Variants in CNTNAP2 observed in about 807,000 individuals in gnomAD.
CNTNAP2 encodes contactin-associated protein-like 2.
CNTNAP2 carries 98 observed loss-of-function variants against 155.2 expected under a neutral mutation model. The observed-to-expected ratio is 0.63, with a 90% CI of 0.54 to 0.75. The LOEUF (loss-of-function observed/expected upper bound fraction) is 0.75. Among genes scored for constraint, CNTNAP2 ranks in the 30% least tolerant of loss-of-function variants. CNTNAP2 has a pLI of 0.00. For missense variants in CNTNAP2, 1,727 were observed against 1,688.1 expected (o/e 1.02, Z -0.40); for synonymous variants, 651 against 631.2 (o/e 1.03, Z -0.47).
intron 4 of CNTNAP2, among the ~76,000 whole-genome samples, chr7:147,088,382 A>C (rs1164304521): frequency 6.6e-6 from 1 of 152,204 alleles, no homozygotes; most frequent in Non-Finnish European, 1.5e-5. Context: ...AAATTAGAAA[A>C]GAACAAAAAA....
At chr7:147,101,091 A>T (rs1800643380) in intron 4 of CNTNAP2, among the ~76,000 whole-genome samples, 1 of 152,168 alleles carries the variant, frequency 6.6e-6, no homozygotes, top group African/African-American at 2.4e-5. Context: ...GAAAGGTGCT[A>T]TGTGAAGTTT....
At chr7:146,182,867 AT>A (rs1054387815) in intron 1 of CNTNAP2, among the ~76,000 whole-genome samples, 5 of 152,046 alleles carry the variant, frequency 3.3e-5, no homozygotes, top group Admixed American at 1.3e-4. Flanking sequence ...ACTTCCTAAT[AT>A]GCTGTATCTG....
chr7:148,085,212 T>C (rs1803700678), intron 15 of CNTNAP2, among the ~76,000 whole-genome samples: 1 of 152,230 alleles, frequency 6.6e-6, no homozygotes, highest in Admixed American at 6.5e-5. Context: ...TTGGATTATT[T>C]ATGTAAATAC....
chr7:148,172,611 TTAGG>T (rs1794842546), intron 18 of CNTNAP2, 133 bp downstream of exon 18: 2 of 880,008 alleles, frequency 2.3e-6, no homozygotes, highest in Non-Finnish European at 3.8e-6. Flanking sequence ...TTCTCTCAAC[TTAGG>T]TAGGAATTTT....
At chr7:146,911,816 AAT>A (rs1562998503) in intron 3 of CNTNAP2, among the ~76,000 whole-genome samples, 1 of 152,076 alleles carries the variant, frequency 6.6e-6, no homozygotes, top group Non-Finnish European at 1.5e-5. Flanking sequence ...TAATAAAAAA[AAT>A]AAATAATAAA....
At chr7:148,086,313 A>T (rs1013789997) in intron 15 of CNTNAP2, among the ~76,000 whole-genome samples, 2 of 152,210 alleles carry the variant, frequency 1.3e-5, no homozygotes, top group Non-Finnish European at 2.9e-5. Context: ...CATTTATTTA[A>T]ACAAAAGTAT....
At chr7:146,160,059 C>T (rs1010712071) in intron 1 of CNTNAP2, among the ~76,000 whole-genome samples, 5 of 152,266 alleles carry the variant, frequency 3.3e-5, no homozygotes, top group African/African-American at 7.2e-5. Context: ...TAAACAACTA[C>T]GTGGAGACTG....
intron 3 of CNTNAP2, among the ~76,000 whole-genome samples, chr7:147,016,094 T>C (rs1179872090): frequency 6.6e-6 from 1 of 152,134 alleles, no homozygotes; most frequent in Admixed American, 6.6e-5. Context: ...GATAATTTTC[T>C]ATCTGAGTTC....
intron 14 of CNTNAP2, among the ~76,000 whole-genome samples, chr7:147,976,947 T>A (rs1256891247): frequency 3.3e-5 from 5 of 152,146 alleles, no homozygotes; most frequent in South Asian, 2.1e-4. Context: ...ATTTGAGGAA[T>A]GACATCACAC....
In CNTNAP2 at chr7:146,784,738, A is replaced by T. The variant is rs201214365; in HGVS notation, c.208+10357A>T. Among the ~76,000 whole-genome samples, 5 of 152,246 alleles carry T rather than the reference A, an allele frequency of 3.3e-5. No individual in the cohort carries two copies. The East Asian group carries it at 9.7e-4, about 29-fold the overall frequency. On this transcript the variant is annotated intron_variant, in intron 2 of 23. Coordinates refer to ENST00000361727, the MANE Select transcript of CNTNAP2 (RefSeq NM_014141.6). ...AACGCCCGTTGTGTAGCCAAGAAAG[A>T]TCATAATTCCTTGGTCTTGATCTTA... is the stretch of plus-strand genomic sequence containing the variant.
chr7:147,377,710 A>G (rs1233244053), intron 9 of CNTNAP2, among the ~76,000 whole-genome samples: 1 of 151,758 alleles, frequency 6.6e-6, no homozygotes, highest in Non-Finnish European at 1.5e-5. Context: ...TTGAAAGTTT[A>G]GTTTCTCTCA....
chr7:146,668,927 A>G lies in CNTNAP2; in HGVS notation c.98-105344A>G, dbSNP rs559836710. On this transcript the variant is annotated intron_variant, in intron 1 of 23. Coordinates refer to ENST00000361727, the MANE Select transcript of CNTNAP2 (RefSeq NM_014141.6). ...AGTTAGCCCATATTGTATGATTTCA[A>G]TCATTTTAATTCTTTTCAAATTCAT... Among the ~76,000 whole-genome samples, 7 of 152,092 alleles carry G rather than the reference A, an allele frequency of 4.6e-5. No individual in the cohort carries two copies. In the East Asian group the frequency reaches 1.2e-3, roughly 25 times the overall value.
intron 13 of CNTNAP2, among the ~76,000 whole-genome samples, chr7:147,875,353 T>G (rs1799405172): frequency 6.6e-6 from 1 of 152,108 alleles, no homozygotes; most frequent in African/African-American, 2.4e-5. Flanking sequence ...GGCAAGAGAT[T>G]GTGTACAGGG....
chr7:147,463,069 A>G (rs1447630471), intron 10 of CNTNAP2, among the ~76,000 whole-genome samples: 1 of 152,246 alleles, frequency 6.6e-6, no homozygotes, highest in African/African-American at 2.4e-5. Context: ...GTAAGTCACC[A>G]GTTCTATCTC....
intron 1 of CNTNAP2, among the ~76,000 whole-genome samples, chr7:146,669,508 CA>C (rs1313430043): frequency 6.6e-6 from 1 of 152,214 alleles, no homozygotes; most frequent in Admixed American, 6.5e-5. Context: ...AAAACAAATG[CA>C]AAAATTCTGT....
chr7:146,265,457 C>CTTTT (rs796634792), intron 1 of CNTNAP2, among the ~76,000 whole-genome samples: 19 of 135,578 alleles, frequency 1.4e-4, no homozygotes, highest in African/African-American at 2.2e-4. Flanking sequence ...TTCTTTCTTT[C>CTTTT]TTTTTTTTTT....
intron 1 of CNTNAP2, among the ~76,000 whole-genome samples, chr7:146,234,051 A>T (rs1436995235): frequency 6.7e-6 from 1 of 148,754 alleles, no homozygotes; most frequent in Non-Finnish European, 1.5e-5. Context: ...ACTGACTTCC[A>T]CAAGGGTTGA....
chr7:148,328,976 GAAAAAA>G (rs71188969), intron 21 of CNTNAP2, among the ~76,000 whole-genome samples: 9,641 of 69,320 alleles, frequency 0.14, 521 homozygotes, highest in African/African-American at 0.19. Flanking sequence ...ACTCTGTCTG[GAAAAAA>G]AAAAAAAAAA....
chr7:148,176,736 G>A (rs958462849), intron 18 of CNTNAP2, among the ~76,000 whole-genome samples: 4 of 152,144 alleles, frequency 2.6e-5, no homozygotes, highest in East Asian at 1.9e-4. Context: ...TTCTCAGCAC[G>A]TTCATCAATG....
Sources: allele counts gnomAD v4.1 joint callset (sites outside exome capture counted in the v4.1 genomes callset), GRCh38; gene constraint gnomAD v4.1.1; transcripts MANE v1.5; gene names NCBI Gene and HGNC (gene_info 2026-07-23, HGNC 2026-07-21).